Variants in MAML2 observed in about 807,000 individuals in gnomAD.
MAML2 encodes the protein mastermind-like protein 2.
Under a neutral mutation model 96.1 loss-of-function variants are expected in MAML2, and 22 were observed. The observed-to-expected ratio is 0.23, with a 90% CI of 0.16 to 0.33. The LOEUF is 0.33. Ranked by LOEUF, MAML2 falls within the 10% of genes least tolerant of loss-of-function variation. The pLI, the probability that MAML2 is intolerant of heterozygous loss-of-function variation, is 1.00. For missense variants in MAML2, 1,367 were observed against 1,392.4 expected, an observed-to-expected ratio of 0.98 and a Z score of 0.29; for synonymous variants, 561 against 521.3, an observed-to-expected ratio of 1.08 and a Z score of -1.04.
intron 1 of MAML2, among the ~76,000 whole-genome samples, chr11:96,211,851 A>G (rs1359577498): frequency 6.6e-6 from 1 of 152,166 alleles, no homozygotes; most frequent in African/African-American, 2.4e-5. Flanking sequence ...TCAGTTTTGA[A>G]AGTTATCTGT....
chr11:96,119,263 G>A (rs963774577), intron 1 of MAML2, among the ~76,000 whole-genome samples: 1 of 152,212 alleles, frequency 6.6e-6, no homozygotes. Context: ...AACATGAGGT[G>A]TTTAGCCTGG....
intron 1 of MAML2, among the ~76,000 whole-genome samples, chr11:96,154,033 C>T (rs1173950328): frequency 6.6e-6 from 1 of 152,184 alleles, no homozygotes; most frequent in Non-Finnish European, 1.5e-5. Flanking sequence ...TTTAAAACAA[C>T]ACTTTGCAAA....
At chr11:95,981,216 G>A (rs1457155967) in intron 4 of MAML2, among the ~76,000 whole-genome samples, 1 of 152,192 alleles carries the variant, frequency 6.6e-6, no homozygotes, top group Non-Finnish European at 1.5e-5. Flanking sequence ...CATGTGACGA[G>A]AGCCTGGTTT....
At chr11:96,162,045 A>G (rs1450970553) in intron 1 of MAML2, among the ~76,000 whole-genome samples, 1 of 152,176 alleles carries the variant, frequency 6.6e-6, no homozygotes, top group Non-Finnish European at 1.5e-5. Context: ...ATTAAGAAGC[A>G]TTTAAATGCT....
intron 1 of MAML2, among the ~76,000 whole-genome samples, chr11:96,276,387 A>T: frequency 6.6e-6 from 1 of 152,214 alleles, no homozygotes; most frequent in East Asian, 1.9e-4. Flanking sequence ...GACAGGAAGA[A>T]CAATTTCTTA....
intron 1 of MAML2, among the ~76,000 whole-genome samples, chr11:96,226,006 T>C (rs1862205531): frequency 6.6e-6 from 1 of 152,218 alleles, no homozygotes; most frequent in African/African-American, 2.4e-5. Flanking sequence ...TCACCATTCA[T>C]TCAATTAATT....
rs60727839 is a variant in MAML2, at chr11:96,092,210, TTGCTGCTGCTGCTGC to T, written c.1806_1820del (p.Gln617_Gln621del). 5.5e-5 allele frequency: 81 copies of T among 1,462,734 alleles called. No individual in the cohort carries two copies. The Middle Eastern group carries it at 8.8e-4, about 16-fold the overall frequency. 90.6% of individuals were successfully genotyped at this position (1,462,734 alleles called of 1,614,324 possible). On this transcript the variant is annotated inframe_deletion, in exon 2 of 5. Coordinates refer to ENST00000524717, the MANE Select transcript of MAML2 (RefSeq NM_032427.4). This position sits in a 1 kb window ranked among gnomAD's most constrained non-coding sequence, Gnocchi z 4.1. ...GTTGCTGTTGCTGCTGCTGCTGCTGTTGCTGCTGCTGCTGCTGCTGCTGCTGCTGCTGCTGCTGCT... is the reference window on the plus strand; with the variant it reads ...GTTGCTGTTGCTGCTGCTGCTGCTGTTGCTGCTGCTGCTGCTGCTGCTGCT...
intron 1 of MAML2, among the ~76,000 whole-genome samples, chr11:96,243,650 T>A (rs910113430): frequency 9.2e-6 from 1 of 109,126 alleles, no homozygotes; most frequent in Non-Finnish European, 2.1e-5. Context: ...GTCATCCTTC[T>A]TTTTCTTTTT....
intron 1 of MAML2, among the ~76,000 whole-genome samples, chr11:96,227,481 A>G (rs1014735050): frequency 2.0e-5 from 3 of 152,194 alleles, no homozygotes; most frequent in Non-Finnish European, 2.9e-5. Flanking sequence ...CTGTGGTTGC[A>G]CAATATATAT....
intron 1 of MAML2, among the ~76,000 whole-genome samples, chr11:96,195,890 A>G (rs1449597328): frequency 6.6e-6 from 1 of 151,980 alleles, no homozygotes; most frequent in Non-Finnish European, 1.5e-5. Context: ...AGTAAGTCAC[A>G]AAAGAGTTAA....
intron 2 of MAML2, among the ~76,000 whole-genome samples, chr11:96,061,588 T>C (rs1859160448): frequency 6.6e-6 from 1 of 152,204 alleles, no homozygotes; most frequent in Non-Finnish European, 1.5e-5. Context: ...TACCAGCCCA[T>C]TTTTGACATC....
At chr11:96,174,765 G>C (rs1163171155) in intron 1 of MAML2, among the ~76,000 whole-genome samples, 1 of 152,248 alleles carries the variant, frequency 6.6e-6, no homozygotes, top group Non-Finnish European at 1.5e-5. Flanking sequence ...ACATACACTT[G>C]TGGGATACCC....
intron 1 of MAML2, among the ~76,000 whole-genome samples, chr11:96,103,733 G>A (rs779467909): frequency 2.0e-5 from 3 of 152,014 alleles, no homozygotes; most frequent in Non-Finnish European, 2.9e-5. Context: ...TGCTTTAAGC[G>A]CGGTAAGCAA....
chr11:96,298,576 T>C (rs191410307), intron 1 of MAML2, among the ~76,000 whole-genome samples: 37 of 151,996 alleles, frequency 2.4e-4, no homozygotes, highest in African/African-American at 8.7e-4. Context: ...TAAGAGAAGA[T>C]AACCAAGCAA....
chr11:96,093,126 A>G lies in MAML2; in HGVS notation c.905T>C (p.Met302Thr). The part of the protein sequence containing the change: ...RYGDDPGEQL[M>T]DPELQELFNE... ...GAACAGTTCCTGCAGCTCAGGATCC[A>G]TCAGTTGTTCTCCAGGGTCGTCTCC... Residue 302 changes from methionine (M) to threonine (T), a missense_variant, in exon 2 of 5, where the codon ATG (methionine) becomes ACG (threonine). By Grantham distance (81) the Met-to-Thr change is moderately conservative (BLOSUM62 -1). Coordinates refer to ENST00000524717, the MANE Select transcript of MAML2 (RefSeq NM_032427.4). The G allele has an allele frequency of 1.2e-6, 2 of 1,614,000 alleles. No homozygotes were observed. The highest frequency in any genetic ancestry group is 1.7e-6 in the Non-Finnish European group (2 of 1,179,888).
chr11:96,098,875 C>A (rs1330715616), intron 1 of MAML2, among the ~76,000 whole-genome samples: 3 of 152,220 alleles, frequency 2.0e-5, no homozygotes, highest in Non-Finnish European at 4.4e-5. Flanking sequence ...CTTCACTTTT[C>A]CAAAAGACTT....
intron 1 of MAML2, among the ~76,000 whole-genome samples, chr11:96,100,604 C>A (rs931274759): frequency 2.0e-5 from 3 of 152,010 alleles, no homozygotes; most frequent in Non-Finnish European, 4.4e-5. Flanking sequence ...GCCACCACAC[C>A]TGGCCTTTTT....
At chr11:96,150,170 G>A (rs1860896876) in intron 1 of MAML2, among the ~76,000 whole-genome samples, 2 of 152,180 alleles carry the variant, frequency 1.3e-5, no homozygotes, top group South Asian at 2.1e-4. Context: ...AGCAAGAAAA[G>A]CTTTGCTCTT....
At chr11:96,157,764 A>T in intron 1 of MAML2, among the ~76,000 whole-genome samples, 1 of 152,346 alleles carries the variant, frequency 6.6e-6, no homozygotes, top group Non-Finnish European at 1.5e-5. Flanking sequence ...AAGCTTGTAC[A>T]TGTGGGTTCC....
Sources: gnomAD v4.1 joint callset for allele counts (sites outside exome capture counted in the v4.1 genomes callset) on GRCh38, gnomAD v4.1.1 for gene constraint, Gnocchi (gnomAD v3.1) non-coding constraint, MANE v1.5 for transcripts, NCBI Gene and HGNC (gene_info 2026-07-23, HGNC 2026-07-21) for gene names.